CPM: variants seen among roughly 807,000 people sequenced by gnomAD.
CPM encodes carboxypeptidase M.
In CPM, 35 loss-of-function variants were observed where a neutral mutation model predicts 46.4. The ratio of observed to expected loss-of-function variants is 0.75; its 90% CI spans 0.58 to 1.00. The LOEUF is 1.00. Ranked by LOEUF, CPM falls within the 50% of genes least tolerant of loss-of-function variation. The probability of loss-of-function intolerance (pLI) is 0.00; values close to 1 mark genes in which losing one functional copy is unlikely to be tolerated. For missense variants in CPM, 422 were observed against 530.4 expected (o/e 0.80, Z 2.01); for synonymous variants, 195 against 195.3 (o/e 1.00, Z 0.01).
At chr12:68,955,031 C>T (rs940878666) in intron 1 of CPM, among the ~76,000 whole-genome samples, 1 of 152,190 alleles carries the variant, frequency 6.6e-6, no homozygotes, top group Non-Finnish European at 1.5e-5. Flanking sequence ...TGGCTGGACC[C>T]TGCGCTTGCT....
At chr12:68,872,001 A>C in intron 3 of CPM, 45 bp from the exon 4 acceptor site, 1 of 1,604,454 alleles carries the variant, frequency 6.2e-7, no homozygotes, top group Non-Finnish European at 8.5e-7. Context: ...GGTCAGAGGC[A>C]ATAAGGAAAG....
Position 68,897,054 on chromosome 12 carries a change from C to T in CPM, c.161-11165G>A, listed in dbSNP as rs187300694. Among the ~76,000 whole-genome samples, 206 of 152,254 alleles carry T rather than the reference C, an allele frequency of 1.4e-3. 3 individuals are homozygous for T. Among genetic ancestry groups the T allele is most frequent in the Middle Eastern group, 3.4e-3 (1 of 294 alleles). On this transcript the variant is annotated intron_variant, in intron 2 of 8. Transcript: ENST00000551568. ...TAACCATCAACAAAAAACAGGAAGA[C>T]GGTAGGAAATTCCTCTGCCTTTCTC...
At position 68,866,960 on chromosome 12, in the gene CPM, C is replaced by A; in HGVS notation, c.876G>T (p.Lys292Asn). 1 of 1,614,124 alleles carries A rather than the reference C, an allele frequency of 6.2e-7. No individual in the cohort carries two copies. The highest frequency in any genetic ancestry group is 8.5e-7 in the Non-Finnish European group (1 of 1,179,974). ...LSCCKYPREE[K>N]LPSFWNNNKA... ...TGTTATTATTCCAAAAGGATGGAAG[C>A]TTCTCCTCACGAGGATATTTACAGC... The change falls in exon 7 of 9, where the codon AAG (lysine) becomes AAT (asparagine). Residue 292 changes from lysine to asparagine, a missense_variant. By Grantham distance (94) the Lys-to-Asn change is moderately conservative (BLOSUM62 0). Transcript: ENST00000551568.
At chr12:68,872,725 C>A (rs1885764400) in intron 3 of CPM, among the ~76,000 whole-genome samples, 1 of 150,048 alleles carries the variant, frequency 6.7e-6, no homozygotes, top group African/African-American at 2.5e-5. Flanking sequence ...GACTTAAAAT[C>A]ATCACATTGT....
chr12:68,920,118 C>T (rs553762964), intron 2 of CPM, among the ~76,000 whole-genome samples: 3 of 152,208 alleles, frequency 2.0e-5, no homozygotes, highest in Non-Finnish European at 4.4e-5. Flanking sequence ...CGTGCCTGGT[C>T]CTGCTTCACC....
intron 2 of CPM, among the ~76,000 whole-genome samples, chr12:68,916,438 C>T (rs1887806554): frequency 6.6e-6 from 1 of 152,146 alleles, no homozygotes; most frequent in Non-Finnish European, 1.5e-5. Flanking sequence ...TCAATTACGG[C>T]ATTCAAATAA....
intron 2 of CPM, among the ~76,000 whole-genome samples, chr12:68,905,689 T>A (rs1887314918): frequency 6.6e-6 from 1 of 152,102 alleles, no homozygotes; most frequent in Non-Finnish European, 1.5e-5. Context: ...TGAGTAGGTC[T>A]ACGCAAACCT....
At chr12:68,954,225 A>ATATACTGCT (rs1888977828) in intron 1 of CPM, among the ~76,000 whole-genome samples, 1 of 152,232 alleles carries the variant, frequency 6.6e-6, no homozygotes, top group South Asian at 2.1e-4. Context: ...TAAGAACATC[A>ATATACTGCT]TATACTGCTA....
At chr12:68,915,593 C>T (rs1459828913) in intron 2 of CPM, among the ~76,000 whole-genome samples, 2 of 152,236 alleles carry the variant, frequency 1.3e-5, no homozygotes, top group Non-Finnish European at 2.9e-5. Context: ...CATCCCTACA[C>T]TGCACTGTTG....
intron 2 of CPM, among the ~76,000 whole-genome samples, chr12:68,895,300 G>A (rs1565785138): frequency 1.3e-5 from 2 of 152,108 alleles, no homozygotes; most frequent in Non-Finnish European, 2.9e-5. Context: ...TCTGGGCAGA[G>A]CTTTAAGGGC....
At position 68,881,674 on chromosome 12, in the gene CPM, G is replaced by A. The variant is rs57613163; in HGVS notation, c.258+4118C>T. Among the ~76,000 whole-genome samples, 995 of 151,196 alleles carry A rather than the reference G, an allele frequency of 6.6e-3. 18 individuals carry two copies. The highest frequency in any genetic ancestry group is 0.023 in the African/African-American group (945 of 41,246). ...TGGGAAGGTCAGTATATAATGTTTT[G>A]TTTATACTTTTTCTAACATGAACAT... On this transcript the variant is annotated intron_variant, in intron 3 of 8. Coordinates refer to ENST00000551568, the MANE Select transcript of CPM (RefSeq NM_198320.5).
intron 7 of CPM, among the ~76,000 whole-genome samples, chr12:68,863,024 G>A (rs965074722): frequency 6.6e-5 from 10 of 152,158 alleles, no homozygotes; most frequent in Admixed American, 5.2e-4. Flanking sequence ...AGTCTTGGCT[G>A]GGCAAGCACT....
chr12:68,923,158 AGAGTGT>A (rs771091966), intron 2 of CPM, among the ~76,000 whole-genome samples: 31,257 of 131,342 alleles, frequency 0.24, 4,312 homozygotes, highest in Middle Eastern at 0.3. Flanking sequence ...TATTTGATAT[AGAGTGT>A]GTGTGTGTGT....
intron 2 of CPM, among the ~76,000 whole-genome samples, chr12:68,930,471 A>G (rs934338373): frequency 6.6e-6 from 1 of 152,184 alleles, no homozygotes; most frequent in South Asian, 2.1e-4. Context: ...CCAACAAAGG[A>G]GCACCATCTC....
intron 2 of CPM, among the ~76,000 whole-genome samples, chr12:68,903,778 T>C (rs1204567937): frequency 6.6e-6 from 1 of 152,172 alleles, no homozygotes; most frequent in Non-Finnish European, 1.5e-5. Flanking sequence ...CACATAAATA[T>C]ACAAGTCAGG....
chr12:68,872,068 C>G (rs1310487952), intron 3 of CPM, 112 bp from the exon 4 acceptor site: 1 of 1,068,722 alleles, frequency 9.4e-7, no homozygotes, highest in Non-Finnish European at 1.3e-6. Flanking sequence ...ATCTCAGACC[C>G]AAACTAGTTT....
intron 8 of CPM, among the ~76,000 whole-genome samples, chr12:68,857,025 C>G (rs1003306288): frequency 2.6e-5 from 4 of 152,158 alleles, no homozygotes; most frequent in Non-Finnish European, 4.4e-5. Flanking sequence ...CCCTTTGTCC[C>G]AAGTGTGTAT....
At chr12:68,906,366 C>G (rs1419451963) in intron 2 of CPM, among the ~76,000 whole-genome samples, 1 of 152,062 alleles carries the variant, frequency 6.6e-6, no homozygotes, top group Non-Finnish European at 1.5e-5. Context: ...CTAATTCACG[C>G]CATTAAGAAA....
At chr12:68,872,641 G>A (rs927329220) in intron 3 of CPM, among the ~76,000 whole-genome samples, 2 of 152,108 alleles carry the variant, frequency 1.3e-5, no homozygotes, top group Non-Finnish European at 2.9e-5. Flanking sequence ...TTACAGAGAA[G>A]CACAGGAATC....
Sources: allele counts gnomAD v4.1 joint callset (sites outside exome capture counted in the v4.1 genomes callset), GRCh38; gene constraint gnomAD v4.1.1; transcripts MANE v1.5; gene names NCBI Gene and HGNC (gene_info 2026-07-23, HGNC 2026-07-21).